Variants in SYN3 observed in about 807,000 individuals in gnomAD.
SYN3 encodes the protein synapsin III, also known as synapsin-3.
A neutral mutation model predicts 65.8 loss-of-function variants in SYN3; 35 were observed. The observed-to-expected ratio is 0.53, with a 90% CI of 0.41 to 0.70. SYN3 has a LOEUF of 0.70. Ranked by LOEUF, SYN3 falls within the 30% of genes least tolerant of loss-of-function variation. The probability of loss-of-function intolerance (pLI) is 0.00; values close to 1 mark genes in which losing one functional copy is unlikely to be tolerated. For missense variants in SYN3, 680 were observed against 749.0 expected, an observed-to-expected ratio of 0.91 and a Z score of 1.08; for synonymous variants, 270 against 292.9, an observed-to-expected ratio of 0.92 and a Z score of 0.80.
At chr22:32,671,751 G>A (rs2060372519) in intron 6 of SYN3, among the ~76,000 whole-genome samples, 1 of 129,924 alleles carries the variant, frequency 7.7e-6, no homozygotes, top group Non-Finnish European at 1.6e-5. Flanking sequence ...TATCACACAG[G>A]TGCACACACA....
At chr22:32,852,766 T>C (rs530647187) in intron 6 of SYN3, among the ~76,000 whole-genome samples, 9 of 152,006 alleles carry the variant, frequency 5.9e-5, no homozygotes, top group Non-Finnish European at 8.8e-5. Flanking sequence ...AGCAGGGTGT[T>C]AGAATGTTGA....
intron 4 of SYN3, among the ~76,000 whole-genome samples, chr22:32,917,851 G>T (rs962895540): frequency 6.6e-6 from 1 of 152,236 alleles, no homozygotes; most frequent in African/African-American, 2.4e-5. Context: ...TCTTTCTTGT[G>T]CTGCTCTCTT....
At chr22:32,722,313 C>T (rs1420452555) in intron 6 of SYN3, among the ~76,000 whole-genome samples, 5 of 151,976 alleles carry the variant, frequency 3.3e-5, no homozygotes, top group Non-Finnish European at 4.4e-5. Flanking sequence ...CTCCCTTGAC[C>T]CTTGATGGTG....
chr22:32,841,203 AATAG>A (rs1233078675), intron 6 of SYN3, among the ~76,000 whole-genome samples: 3 of 152,220 alleles, frequency 2.0e-5, no homozygotes, highest in African/African-American at 4.8e-5. Flanking sequence ...TGGCTACAGC[AATAG>A]GTAAAGCAAA....
At chr22:33,049,975 T>C (rs5754397) in intron 1 of SYN3, among the ~76,000 whole-genome samples, 87,744 of 151,912 alleles carry the variant, frequency 0.58, 26,473 homozygotes, top group African/African-American at 0.76. Flanking sequence ...GGCCTGGAGG[T>C]GAGAATAACT....
Position 32,508,678 on chromosome 22 carries a change from AC to A in SYN3, c.*5013del, listed in dbSNP as rs2057659014. Among the ~76,000 whole-genome samples, 2 of 152,146 alleles carry A rather than the reference AC, an allele frequency of 1.3e-5. No individual in the cohort carries two copies. The highest frequency in any genetic ancestry group is 4.8e-5 in the African/African-American group (2 of 41,410). ...GTTTGATTCTGTTCCTGGGCAAGTG[AC>A]TTCCATATATTGATACTCTTAGAAA... On this transcript the variant is annotated 3_prime_UTR_variant, in exon 14 of 14. Transcript: ENST00000358763.
chr22:32,731,641 C>G (rs2061271687), intron 6 of SYN3, among the ~76,000 whole-genome samples: 1 of 152,170 alleles, frequency 6.6e-6, no homozygotes, highest in African/African-American at 2.4e-5. Flanking sequence ...TGCTCCCCAG[C>G]CTGTAGCCCA....
chr22:32,865,775 G>C (rs539119658), intron 5 of SYN3, among the ~76,000 whole-genome samples: 2 of 152,128 alleles, frequency 1.3e-5, no homozygotes, highest in Non-Finnish European at 2.9e-5. Context: ...AGCTGAATAT[G>C]GGGGCAAGGC....
At chr22:32,714,105 T>C (rs936551235) in intron 6 of SYN3, among the ~76,000 whole-genome samples, 55 of 152,150 alleles carry the variant, frequency 3.6e-4, no homozygotes, top group African/African-American at 1.2e-3. Context: ...TGCCTTTAGC[T>C]GATAAGGTTA....
Position 32,533,788 on chromosome 22 carries a change from C to T in SYN3, c.1095+5G>A, listed in dbSNP as rs1601583500. 6.2e-7 allele frequency: 1 copy of T among 1,608,344 alleles called. No individual in the cohort carries two copies. Among genetic ancestry groups the T allele is most frequent in the Non-Finnish European group, 8.5e-7 (1 of 1,175,302 alleles). On this transcript the variant is annotated splice_donor_5th_base_variant and intron_variant, in intron 10 of 13. Coordinates refer to ENST00000358763, the MANE Select transcript of SYN3 (RefSeq NM_003490.4). Reference sequence around the variant, plus strand: ...GCCAGGAGGACTCCCTGCTTCATCCCTCACCTCGATGATGTAATCTCTGCC... The same window carrying T: ...GCCAGGAGGACTCCCTGCTTCATCCTTCACCTCGATGATGTAATCTCTGCC...
intron 6 of SYN3, among the ~76,000 whole-genome samples, chr22:32,662,102 T>A (rs2060224558): frequency 6.6e-6 from 1 of 152,236 alleles, no homozygotes; most frequent in Non-Finnish European, 1.5e-5. Context: ...AAGGTCTTTT[T>A]GCAGTTGTCA....
At chr22:32,562,575 G>A (rs1034095961) in intron 7 of SYN3, among the ~76,000 whole-genome samples, 3 of 152,194 alleles carry the variant, frequency 2.0e-5, no homozygotes, top group Non-Finnish European at 2.9e-5. Flanking sequence ...GGGAGTGCCC[G>A]ACAGTGGACT....
chr22:32,542,091 G>C (rs1187221158), intron 7 of SYN3, among the ~76,000 whole-genome samples: 1 of 152,076 alleles, frequency 6.6e-6, no homozygotes, highest in Non-Finnish European at 1.5e-5. Flanking sequence ...ACGGGCCATG[G>C]GGGAACAGAC....
chr22:32,844,188 G>C (rs2047996124), intron 6 of SYN3, among the ~76,000 whole-genome samples: 1 of 152,190 alleles, frequency 6.6e-6, no homozygotes, highest in Non-Finnish European at 1.5e-5. Context: ...TCTGGATTTG[G>C]TTGACAATGG....
At chr22:32,777,257 G>A (rs1488171691) in intron 6 of SYN3, among the ~76,000 whole-genome samples, 7 of 151,988 alleles carry the variant, frequency 4.6e-5, no homozygotes, top group South Asian at 4.2e-4. Context: ...TGTGGGTCTC[G>A]GTATTCCCAG....
At chr22:32,713,840 A>AG in intron 6 of SYN3, among the ~76,000 whole-genome samples, 1 of 152,004 alleles carries the variant, frequency 6.6e-6, no homozygotes, top group Non-Finnish European at 1.5e-5. Flanking sequence ...CAAAAAAAAA[A>AG]AAAAAAAGAA....
chr22:32,945,858 A>G (rs1460573610), intron 3 of SYN3, among the ~76,000 whole-genome samples: 1 of 152,222 alleles, frequency 6.6e-6, no homozygotes, highest in East Asian at 1.9e-4. Flanking sequence ...AAAACCAAAC[A>G]AGGCGATCAA....
At chr22:32,527,884 A>T (rs747959622) in intron 12 of SYN3, 34 bp downstream of exon 12, 1 of 1,560,746 alleles carries the variant, frequency 6.4e-7, no homozygotes. Context: ...CCCTCACTGC[A>T]TGCTTTCTTG....
At chr22:32,719,700 A>C (rs2061088937) in intron 6 of SYN3, among the ~76,000 whole-genome samples, 1 of 152,022 alleles carries the variant, frequency 6.6e-6, no homozygotes, top group Non-Finnish European at 1.5e-5. Context: ...AAAAGAAACA[A>C]AGCCAGGTGT....
Sources: allele counts gnomAD v4.1 joint callset (sites outside exome capture counted in the v4.1 genomes callset), GRCh38; gene constraint gnomAD v4.1.1; transcripts MANE v1.5; gene names NCBI Gene and HGNC (gene_info 2026-07-23, HGNC 2026-07-21).